DOCK1: variants seen among roughly 807,000 people sequenced by gnomAD.
DOCK1 encodes dedicator of cytokinesis protein 1.
In DOCK1, 138 loss-of-function variants were observed where a neutral mutation model predicts 262.7. The ratio of observed to expected loss-of-function variants is 0.53; its 90% confidence interval spans 0.46 to 0.61. The LOEUF (loss-of-function observed/expected upper bound fraction) is 0.61. DOCK1 is among the 20% of genes least tolerant of loss of function. The pLI, the probability that DOCK1 is intolerant of heterozygous loss-of-function variation, is 0.00. For synonymous variants in DOCK1, 866 were observed against 867.4 expected (o/e 1.00, Z 0.03); for missense variants, 1,908 against 2,370.7 (o/e 0.80, Z 4.05).
chr10:127,077,344 G>A (rs1411432583), intron 23 of DOCK1, among the ~76,000 whole-genome samples: 1 of 152,068 alleles, frequency 6.6e-6, no homozygotes, highest in Admixed American at 6.6e-5. Flanking sequence ...GCAGTCAGCC[G>A]AGATTGCACC....
chr10:127,159,691 G>T (rs1487439263), intron 27 of DOCK1, among the ~76,000 whole-genome samples: 1 of 152,018 alleles, frequency 6.6e-6, no homozygotes, highest in Non-Finnish European at 1.5e-5. Context: ...TTCCTTTTAC[G>T]GACCGTTGGC....
intron 27 of DOCK1, among the ~76,000 whole-genome samples, chr10:127,134,190 A>G (rs932024816): frequency 5.3e-5 from 8 of 152,102 alleles, no homozygotes; most frequent in Non-Finnish European, 1.0e-4. Context: ...TCACAGTTTT[A>G]ATTAAGAGTT....
At chr10:127,389,803 C>T in intron 38 of DOCK1, among the ~76,000 whole-genome samples, 1 of 152,072 alleles carries the variant, frequency 6.6e-6, no homozygotes, top group Non-Finnish European at 1.5e-5. Context: ...CACCTGAGGT[C>T]AGGAGTTTGA....
At chr10:127,106,391 C>T in intron 24 of DOCK1, 90 bp downstream of exon 24, 1 of 1,370,630 alleles carries the variant, frequency 7.3e-7, no homozygotes, top group Non-Finnish European at 1.0e-6. Context: ...CAGGGTTCTG[C>T]CTCATGTCTC....
intron 11 of DOCK1, among the ~76,000 whole-genome samples, chr10:127,010,147 C>T (rs1030077226): frequency 4.6e-5 from 7 of 152,142 alleles, no homozygotes; most frequent in African/African-American, 1.7e-4. Context: ...AATATGGTAA[C>T]CATTAGCTCC....
At chr10:127,088,333 A>AT (rs1286953401) in intron 23 of DOCK1, among the ~76,000 whole-genome samples, 2 of 151,940 alleles carry the variant, frequency 1.3e-5, no homozygotes, top group African/African-American at 4.8e-5. Context: ...ACAAAACACC[A>AT]TTTTTTTCTT....
At chr10:126,985,079 C>G (rs915444835) in intron 4 of DOCK1, among the ~76,000 whole-genome samples, 1 of 147,610 alleles carries the variant, frequency 6.8e-6, no homozygotes, top group Non-Finnish European at 1.5e-5. Flanking sequence ...CTCCTGCGTT[C>G]AAGCGATTCT....
At chr10:127,076,855 C>G (rs2046590950) in intron 23 of DOCK1, among the ~76,000 whole-genome samples, 1 of 152,168 alleles carries the variant, frequency 6.6e-6, no homozygotes, top group African/African-American at 2.4e-5. Context: ...TTGGGGGCCC[C>G]TGCTTGTCCC....
chr10:127,416,439 G>A (rs1410249127), intron 44 of DOCK1, among the ~76,000 whole-genome samples: 1 of 152,148 alleles, frequency 6.6e-6, no homozygotes, highest in South Asian at 2.1e-4. Context: ...CTTTGTAATC[G>A]GGGCCTGCCA....
At chr10:127,377,750 G>A (rs557025063) in intron 35 of DOCK1, among the ~76,000 whole-genome samples, 1 of 152,090 alleles carries the variant, frequency 6.6e-6, no homozygotes, top group East Asian at 1.9e-4. Context: ...AAATTAGCTG[G>A]GCATGGTGTT....
At chr10:127,345,585 T>C (rs769706504) in intron 31 of DOCK1, among the ~76,000 whole-genome samples, 7 of 152,214 alleles carry the variant, frequency 4.6e-5, no homozygotes, top group Non-Finnish European at 1.0e-4. Context: ...ACAGTGATCA[T>C]TGTTCAGAAA....
intron 28 of DOCK1, among the ~76,000 whole-genome samples, chr10:127,255,387 GAAAT>G (rs1287162943): frequency 6.6e-6 from 1 of 152,074 alleles, no homozygotes; most frequent in Non-Finnish European, 1.5e-5. Flanking sequence ...GTGAGGGAAT[GAAAT>G]AAATAAATAA....
At chr10:127,289,068 C>T (rs1389949292) in intron 29 of DOCK1, among the ~76,000 whole-genome samples, 4 of 152,064 alleles carry the variant, frequency 2.6e-5, no homozygotes, top group Admixed American at 2.6e-4. Flanking sequence ...ACTTCTGCCC[C>T]TACCTTTCCC....
chr10:126,944,932 G>A (rs2035281854), intron 1 of DOCK1, among the ~76,000 whole-genome samples: 2 of 152,122 alleles, frequency 1.3e-5, no homozygotes, highest in South Asian at 2.1e-4. Flanking sequence ...TCTGTCTCCC[G>A]GGTTCAAACG....
In DOCK1 at chr10:127,184,535, C is replaced by T. The variant is rs149422613; in HGVS notation, c.2847+56771C>T. Among the ~76,000 whole-genome samples the T allele has an allele frequency of 1.3e-4, 19 of 149,382 alleles. No individual in the cohort carries two copies. The East Asian group carries it at 1.4e-3, about 11-fold the overall frequency. On this transcript the variant is annotated intron_variant, in intron 27 of 51. Coordinates refer to ENST00000623213, the MANE Select transcript of DOCK1 (RefSeq NM_001290223.2). The stretch of plus-strand genomic sequence containing the variant: ...TGCTAGTCTTGGCTTCAAGTGCACA[C>T]GTCGCTTCTCTGTGCATATACCTGG...
At chr10:127,189,371 C>T (rs2056552279) in intron 27 of DOCK1, among the ~76,000 whole-genome samples, 1 of 152,140 alleles carries the variant, frequency 6.6e-6, no homozygotes, top group South Asian at 2.1e-4. Context: ...AGTGTGGGGC[C>T]AACCCTGCCA....
intron 27 of DOCK1, among the ~76,000 whole-genome samples, chr10:127,191,626 C>T (rs750154806): frequency 1.1e-4 from 16 of 152,126 alleles, no homozygotes; most frequent in Non-Finnish European, 2.2e-4. Context: ...CAAGATCCTT[C>T]CTAGAGAAGA....
At chr10:127,230,102 A>C (rs868834877) in intron 27 of DOCK1, among the ~76,000 whole-genome samples, 28 of 152,254 alleles carry the variant, frequency 1.8e-4, no homozygotes, top group Middle Eastern at 6.8e-3. Flanking sequence ...GCCCCTTTTT[A>C]AAACAGGTCA....
chr10:127,423,201 G>T (rs1199600278), intron 46 of DOCK1, among the ~76,000 whole-genome samples: 3 of 152,160 alleles, frequency 2.0e-5, no homozygotes, highest in African/African-American at 7.2e-5. Flanking sequence ...AGAATGCTTT[G>T]TTCTCTTTTT....
Sources: gnomAD v4.1 joint callset for allele counts (sites outside exome capture counted in the v4.1 genomes callset) on GRCh38, gnomAD v4.1.1 for gene constraint, MANE v1.5 for transcripts, NCBI Gene and HGNC (gene_info 2026-07-23, HGNC 2026-07-21) for gene names.